The following ABI3BP variants were observed in gnomAD, a reference collection of about 807,000 sequenced individuals.
The protein encoded by ABI3BP is target of Nesh-SH3.
In ABI3BP, 216 loss-of-function variants were observed where a neutral mutation model predicts 268.6. The ratio of observed to expected loss-of-function variants is 0.80; its 90% CI spans 0.72 to 0.90. The LOEUF (loss-of-function observed/expected upper bound fraction) is 0.90, where lower values mean the gene tolerates loss of function less well. ABI3BP is among the 40% of genes least tolerant of loss of function. The pLI is 0.00. For synonymous variants in ABI3BP, 730 were observed against 730.0 expected (o/e 1.00, Z 0.00); for missense variants, 2,090 against 2,182.4 (o/e 0.96, Z 0.84).
At chr3:100,985,306 T>C (rs991014046) in intron 1 of ABI3BP, among the ~76,000 whole-genome samples, 8 of 151,822 alleles carry the variant, frequency 5.3e-5, no homozygotes, top group Non-Finnish European at 7.4e-5. Context: ...CGTGCCACCA[T>C]GCCCGGCTAA....
chr3:100,830,744 T>C, intron 31 of ABI3BP, 110 bp from the exon 32 acceptor site: 3 of 802,760 alleles, frequency 3.7e-6, no homozygotes, highest in Non-Finnish European at 5.8e-6. Flanking sequence ...AATTAATTCT[T>C]AATATCATAA....
At chr3:100,969,494 C>G (rs1414284409) in intron 1 of ABI3BP, among the ~76,000 whole-genome samples, 1 of 152,136 alleles carries the variant, frequency 6.6e-6, no homozygotes, top group African/African-American at 2.4e-5. Flanking sequence ...AGATCCTTGA[C>G]TCTGGATTTT....
intron 1 of ABI3BP, among the ~76,000 whole-genome samples, chr3:100,957,717 C>T (rs1207198315): frequency 6.6e-6 from 1 of 152,110 alleles, no homozygotes; most frequent in African/African-American, 2.4e-5. Context: ...AACTTGAGCC[C>T]AGAGATGTTA....
chr3:100,924,863 CA>C (rs2061361915), intron 2 of ABI3BP, among the ~76,000 whole-genome samples: 2 of 151,836 alleles, frequency 1.3e-5, no homozygotes, highest in East Asian at 1.9e-4. Context: ...ATTTATATAA[CA>C]AAAAAACTAT....
At position 100,789,368 on chromosome 3, in the gene ABI3BP, T is replaced by TA. The variant is rs761790764; in HGVS notation, c.4087+85_4087+86insT. On this transcript the variant is annotated intron_variant, in intron 56 of 67. Coordinates refer to ENST00000471714, the MANE Select transcript of ABI3BP (RefSeq NM_001375547.2). ...ACATCTCTTATTGCAATGTAAGGGT[T>TA]CCCCTTTGGTGTATTTGGCTATTTC... is the stretch of plus-strand genomic sequence containing the variant. 1.0e-5 allele frequency: 13 copies of TA among 1,277,242 alleles called. No individual in the cohort carries two copies. In the Admixed American group the frequency reaches 1.4e-4, roughly 14 times the overall value. The allele number at this position is 1,277,242 out of a possible 1,614,324, so 79.1% of individuals were successfully genotyped here.
Position 100,874,663 on chromosome 3 carries a change from C to T in ABI3BP, c.910+178G>A, listed in dbSNP as rs77823478. ...TATAAATATGTACATATAAAATAAC[C>T]ATTTTCTTATAGAATGTTATTTATA... is the stretch of plus-strand genomic sequence containing the variant. On this transcript the variant is annotated intron_variant, in intron 9 of 67. Coordinates refer to ENST00000471714, the MANE Select transcript of ABI3BP (RefSeq NM_001375547.2). Among the ~76,000 whole-genome samples the T allele has an allele frequency of 4.1e-3, 621 of 152,140 alleles. 14 individuals carry two copies. Among genetic ancestry groups the T allele is most frequent in the Admixed American group, 0.028 (434 of 15,282 alleles).
chr3:100,912,234 C>T lies in ABI3BP; in HGVS notation c.260-9548G>A, dbSNP rs375705660. 25 of 120,874 alleles carry T rather than the reference C, an allele frequency of 2.1e-4. No homozygotes were observed. The South Asian group carries it at 4.6e-3, about 22-fold the overall frequency. The allele number at this position is 120,874 out of a possible 1,614,324, so 7.5% of individuals were successfully genotyped here. On this transcript the variant is annotated intron_variant, in intron 2 of 67. Transcript: ENST00000471714. ...ACTTCACAACTTCATTAATCTAAAA[C>T]GCGTCTAAAACAGTTTATAGAAAAG...
chr3:100,761,937 G>A (rs561093770), intron 63 of ABI3BP, among the ~76,000 whole-genome samples: 1 of 152,292 alleles, frequency 6.6e-6, no homozygotes, highest in East Asian at 1.9e-4. Context: ...AATTCTTTCA[G>A]AAGCTTTGAT....
intron 2 of ABI3BP, among the ~76,000 whole-genome samples, chr3:100,917,529 T>A (rs535695306): frequency 1.3e-5 from 2 of 152,308 alleles, no homozygotes; most frequent in East Asian, 3.9e-4. Context: ...GGCAGCTGTC[T>A]TTCCACTTAA....
chr3:100,778,526 A>G, intron 58 of ABI3BP, 150 bp from the exon 59 acceptor site: 1 of 651,410 alleles, frequency 1.5e-6, no homozygotes. Flanking sequence ...GTGCACACAA[A>G]TATATTCAGA....
In ABI3BP at chr3:100,985,310, C is replaced by T. The variant is rs916761814; in HGVS notation, c.79+7996G>A. Among the ~76,000 whole-genome samples the T allele has an allele frequency of 3.3e-5, 5 of 151,562 alleles. No individual in the cohort carries two copies. The East Asian group carries it at 5.8e-4, about 18-fold the overall frequency. On this transcript the variant is annotated intron_variant, in intron 1 of 67. Coordinates refer to ENST00000471714, the MANE Select transcript of ABI3BP (RefSeq NM_001375547.2). The stretch of plus-strand genomic sequence containing the variant: ...GACTATGGGCACGTGCCACCATGCC[C>T]GGCTAATTTTTTGTATTTTTAGTAG...
chr3:100,814,946 C>T (rs913644990), intron 44 of ABI3BP, among the ~76,000 whole-genome samples: 22 of 152,084 alleles, frequency 1.4e-4, no homozygotes, highest in African/African-American at 5.3e-4. Flanking sequence ...CTGTAAGTGC[C>T]TTTTCTCTCA....
chr3:100,816,004 G>C lies in ABI3BP; in HGVS notation c.3230-33C>G, dbSNP rs1365445065. On this transcript the variant is annotated intron_variant, in intron 43 of 67. Transcript: ENST00000471714. Reference sequence around the variant, plus strand: ...AAAGCAACAACATGAATACAAGAAAGCTTAAAGACTTTTTAAAAAAAATCC... The same window carrying C: ...AAAGCAACAACATGAATACAAGAAACCTTAAAGACTTTTTAAAAAAAATCC... The C allele has an allele frequency of 2.8e-6, 4 of 1,420,434 alleles. No homozygotes were observed. In the East Asian group the frequency reaches 7.6e-5, roughly 27 times the overall value. 88.0% of individuals were successfully genotyped at this position (1,420,434 alleles called of 1,614,324 possible).
intron 38 of ABI3BP, 112 bp from the exon 39 acceptor site, chr3:100,821,225 G>A (rs2098211169): frequency 4.4e-6 from 4 of 908,526 alleles, no homozygotes; most frequent in Non-Finnish European, 6.6e-6. Flanking sequence ...GAATTATATA[G>A]CAACCTTTAA....
intron 14 of ABI3BP, among the ~76,000 whole-genome samples, chr3:100,852,449 C>T (rs182148211): frequency 6.6e-6 from 1 of 152,160 alleles, no homozygotes; most frequent in South Asian, 2.1e-4. Flanking sequence ...CTTATTGAAC[C>T]CTTTTAACAT....
intron 55 of ABI3BP, among the ~76,000 whole-genome samples, chr3:100,790,785 T>G (rs1022045968): frequency 3.9e-5 from 6 of 151,960 alleles, no homozygotes; most frequent in African/African-American, 1.4e-4. Flanking sequence ...ATAAATCCCT[T>G]TGAATGTTAG....
Position 100,751,650 on chromosome 3 carries a change from T to C in ABI3BP, c.5147A>G (p.Gln1716Arg). 5 of 1,603,798 alleles carry C rather than the reference T, an allele frequency of 3.1e-6. No individual in the cohort carries two copies. Among genetic ancestry groups the C allele is most frequent in the Non-Finnish European group, 4.3e-6 (5 of 1,174,542 alleles). Residue 1716 changes from glutamine to arginine, a missense_variant, in exon 67 of 68, where the codon CAG becomes CGG. Physicochemically the swap from Gln to Arg is conservative, Grantham distance 43. Transcript: ENST00000471714. ...LTGKFYNIGD[Q>R]RGHGEDHCQF... ...GCAGTGATCTTCTCCATGGCCCCTC[T>C]GATCACCTATGTTATAAAATTTTCC...
At chr3:100,871,028 G>C (rs2099104136) in intron 9 of ABI3BP, among the ~76,000 whole-genome samples, 1 of 152,196 alleles carries the variant, frequency 6.6e-6, no homozygotes, top group East Asian at 1.9e-4. Flanking sequence ...GGATGGGATG[G>C]AGAGGGGGAA....
intron 51 of ABI3BP, among the ~76,000 whole-genome samples, chr3:100,798,903 C>A (rs2097437824): frequency 2.0e-5 from 3 of 152,136 alleles, no homozygotes; most frequent in Admixed American, 2.0e-4. Flanking sequence ...TTTATTCTAA[C>A]CTTGTACCAT....
Sources: gnomAD v4.1 joint callset for allele counts (sites outside exome capture counted in the v4.1 genomes callset) on GRCh38, gnomAD v4.1.1 for gene constraint, MANE v1.5 for transcripts, NCBI Gene and HGNC (gene_info 2026-07-23, HGNC 2026-07-21) for gene names.